ARMC8: variants seen among roughly 807,000 people sequenced by gnomAD.
The protein encoded by ARMC8 is armadillo repeat containing 8.
A neutral mutation model predicts 99.3 loss-of-function variants in ARMC8; 20 were observed. The ratio of observed to expected loss-of-function variants is 0.20; its 90% CI spans 0.14 to 0.29. ARMC8 has a LOEUF of 0.29. ARMC8 is among the 10% of genes least tolerant of loss of function. ARMC8 has a pLI of 1.00. For synonymous variants in ARMC8, 263 were observed against 278.3 expected (o/e 0.95, Z 0.55); for missense variants, 569 against 809.5 (o/e 0.70, Z 3.60).
At chr3:138,214,246 A>G (rs1450682953) in intron 2 of ARMC8, among the ~76,000 whole-genome samples, 1 of 152,146 alleles carries the variant, frequency 6.6e-6, no homozygotes, top group Non-Finnish European at 1.5e-5. Context: ...ATATAAGCCA[A>G]CGTAGCTAGC....
intron 12 of ARMC8, among the ~76,000 whole-genome samples, chr3:138,250,294 T>A (rs2108210537): frequency 6.6e-6 from 1 of 152,198 alleles, no homozygotes; most frequent in South Asian, 2.1e-4. Context: ...ATGGAAGCAT[T>A]TATTAGAATA....
intron 2 of ARMC8, among the ~76,000 whole-genome samples, chr3:138,217,314 G>A (rs545114775): frequency 4.4e-4 from 67 of 151,292 alleles, no homozygotes; most frequent in Non-Finnish European, 7.1e-4. Context: ...TAGGCTTTCA[G>A]TTAAAATGTA....
intron 6 of ARMC8, among the ~76,000 whole-genome samples, chr3:138,230,699 C>T (rs535227350): frequency 6.6e-6 from 1 of 152,224 alleles, no homozygotes; most frequent in African/African-American, 2.4e-5. Context: ...TTGAACAGAG[C>T]ACAGCATCTA....
chr3:138,296,705 T>A lies in ARMC8; in HGVS notation c.*813T>A, dbSNP rs903077629. 2.4e-4 allele frequency: 37 copies of A among 152,176 alleles called. No individual in the cohort carries two copies. The highest frequency in any genetic ancestry group is 8.7e-4 in the African/African-American group (36 of 41,428). The allele number at this position is 152,176 out of a possible 1,614,324, so 9.4% of individuals were successfully genotyped here. A position where few individuals can be genotyped will look rare whatever the true frequency, so the allele number is the denominator to read the frequency against. On this transcript the variant is annotated 3_prime_UTR_variant, in exon 22 of 22. Coordinates refer to ENST00000469044, the MANE Select transcript of ARMC8 (RefSeq NM_001363941.2). ...TTCAGTAAGTTCTCAGGCTTCCAAG[T>A]CAAATGGAGAAGTAAAGTGAGGCAA...
At chr3:138,288,947 C>T in intron 19 of ARMC8, 101 bp from the exon 20 acceptor site, 1 of 949,706 alleles carries the variant, frequency 1.1e-6, no homozygotes, top group African/African-American at 1.6e-5. Context: ...CTGCTTCAGA[C>T]TTTTAGGTTA....
chr3:138,220,711 A>G (rs1183356603), intron 2 of ARMC8, among the ~76,000 whole-genome samples: 6 of 142,024 alleles, frequency 4.2e-5, no homozygotes, highest in Non-Finnish European at 7.5e-5. Flanking sequence ...TTTTTTTGAG[A>G]TGGAGTCTCG....
At chr3:138,224,971 A>G (rs2045604911) in intron 5 of ARMC8, among the ~76,000 whole-genome samples, 2 of 152,146 alleles carry the variant, frequency 1.3e-5, no homozygotes, top group Non-Finnish European at 1.5e-5. Context: ...AGTTCAGCTG[A>G]CTTTCGGTTG....
Position 138,263,524 on chromosome 3 carries a change from T to C in ARMC8, c.1135-215T>C, listed in dbSNP as rs2047960805. 3 of 586,506 alleles carry C rather than the reference T, an allele frequency of 5.1e-6. No homozygotes were observed. In the East Asian group the frequency reaches 8.6e-5, roughly 17 times the overall value. 36.3% of individuals were successfully genotyped at this position (586,506 alleles called of 1,614,324 possible). On this transcript the variant is annotated intron_variant, in intron 12 of 21. Coordinates refer to ENST00000469044, the MANE Select transcript of ARMC8 (RefSeq NM_001363941.2). ...AAAATAAACAACATAACCTGCCCCT[T>C]ACGCCTGTCATTCAGCCTGGCAGGT...
chr3:138,221,868 T>G, intron 2 of ARMC8, 58 bp from the exon 3 acceptor site: 4 of 1,339,352 alleles, frequency 3.0e-6, no homozygotes, highest in Non-Finnish European at 4.3e-6. Context: ...TAGAATGATC[T>G]TTGATTTTTC....
chr3:138,220,421 C>G (rs773250092), intron 2 of ARMC8, among the ~76,000 whole-genome samples: 7 of 152,026 alleles, frequency 4.6e-5, no homozygotes, highest in Non-Finnish European at 1.0e-4. Context: ...TAGGTCAGGC[C>G]TGGAAAAAAA....
At chr3:138,212,003 C>A (rs1197296948) in intron 2 of ARMC8, among the ~76,000 whole-genome samples, 1 of 152,046 alleles carries the variant, frequency 6.6e-6, no homozygotes, top group East Asian at 1.9e-4. Context: ...GACTAAAATT[C>A]CTAACTCAGA....
chr3:138,221,037 A>T (rs2045365254), intron 2 of ARMC8, among the ~76,000 whole-genome samples: 2 of 151,880 alleles, frequency 1.3e-5, no homozygotes, highest in Non-Finnish European at 2.9e-5. Flanking sequence ...GTTTATTTTG[A>T]GCTATTTATT....
At chr3:138,265,351 C>T (rs776539287) in intron 14 of ARMC8, among the ~76,000 whole-genome samples, 6 of 152,182 alleles carry the variant, frequency 3.9e-5, no homozygotes, top group Non-Finnish European at 7.3e-5. Context: ...TGATACACTA[C>T]AAAACTTGGT....
In ARMC8 at chr3:138,263,795, T is replaced by C; in HGVS notation, c.1191T>C (p.Ser397=). The change falls in exon 13 of 22, where the codon AGT becomes AGC. Residue 397 remains serine, a synonymous_variant. Transcript: ENST00000469044. Reference sequence around the variant, plus strand: ...TTGTGACTGGCTTGTCTGAGTCTAGTGTCAAGGTGCGGTTAGCTGCCGTCA... The same window carrying C: ...TTGTGACTGGCTTGTCTGAGTCTAGCGTCAAGGTGCGGTTAGCTGCCGTCA... ...DRIVTGLSES[S]VKVRLAAVRC... 6.2e-7 allele frequency: 1 copy of C among 1,614,024 alleles called. No homozygotes were observed.
chr3:138,281,023 G>A (rs1373363101), intron 18 of ARMC8, among the ~76,000 whole-genome samples: 1 of 152,144 alleles, frequency 6.6e-6, no homozygotes, highest in Non-Finnish European at 1.5e-5. Flanking sequence ...CTACTCCTCT[G>A]TGCTGTTCTA....
chr3:138,215,695 C>T (rs1472349881), intron 2 of ARMC8, among the ~76,000 whole-genome samples: 1 of 151,924 alleles, frequency 6.6e-6, no homozygotes, highest in African/African-American at 2.4e-5. Flanking sequence ...GATTTGTAAT[C>T]ATACATTGAT....
intron 12 of ARMC8, chr3:138,262,386 A>G (rs2047829656): frequency 2.4e-6 from 2 of 840,140 alleles, no homozygotes; most frequent in South Asian, 2.0e-5. Flanking sequence ...TTCCTAATCT[A>G]CAGCTAAAAT....
rs1261399447 is a variant in ARMC8 at position 138,297,603 on chromosome 3, C to T, written c.*1711C>T. The T allele has an allele frequency of 6.6e-6, 1 of 152,188 alleles. No homozygotes were observed. Among genetic ancestry groups the T allele is most frequent in the Non-Finnish European group, 1.5e-5 (1 of 68,032 alleles). 9.4% of individuals were successfully genotyped at this position (152,188 alleles called of 1,614,324 possible). A position where few individuals can be genotyped will look rare whatever the true frequency, so the allele number is the denominator to read the frequency against. ...TAAAAATGTATTTAATGCAATTTTTCCTGCTCTCAACATGACCACCCAAGA... is the reference window on the plus strand; with the variant it reads ...TAAAAATGTATTTAATGCAATTTTTTCTGCTCTCAACATGACCACCCAAGA... On this transcript the variant is annotated 3_prime_UTR_variant, in exon 22 of 22. Coordinates refer to ENST00000469044, the MANE Select transcript of ARMC8 (RefSeq NM_001363941.2).
Position 138,202,646 on chromosome 3 carries a change from T to C in ARMC8, c.46-7171T>C, listed in dbSNP as rs930596730. Among the ~76,000 whole-genome samples the C allele has an allele frequency of 6.6e-5, 10 of 152,218 alleles. 1 individual carries two copies. Among genetic ancestry groups the C allele is most frequent in the Admixed American group, 6.5e-4 (10 of 15,282 alleles). On this transcript the variant is annotated intron_variant, in intron 1 of 21. Transcript: ENST00000469044. Reference sequence around the variant, plus strand: ...AGAAACAGTCTCAAATTTTACCTTTTTCCAAAGTTGCATAGCTAGTAAGTG... The same window carrying C: ...AGAAACAGTCTCAAATTTTACCTTTCTCCAAAGTTGCATAGCTAGTAAGTG...
Sources: gnomAD v4.1 joint callset for allele counts (sites outside exome capture counted in the v4.1 genomes callset) on GRCh38, gnomAD v4.1.1 for gene constraint, MANE v1.5 for transcripts, NCBI Gene and HGNC (gene_info 2026-07-23, HGNC 2026-07-21) for gene names.